AGBL1: variants seen among roughly 807,000 people sequenced by gnomAD.
AGBL1 encodes AGBL carboxypeptidase 1.
In AGBL1, 130 loss-of-function variants were observed where a neutral mutation model predicts 118.9. The observed-to-expected ratio is 1.09, with a 90% CI of 0.95 to 1.26. The LOEUF (loss-of-function observed/expected upper bound fraction) is 1.26, where lower values mean the gene tolerates loss of function less well. AGBL1 is among the 50% of genes most tolerant of loss of function. AGBL1 has a pLI of 0.00. For missense variants in AGBL1, 1,584 were observed against 1,298.1 expected (o/e 1.22, Z -3.38); for synonymous variants, 555 against 478.9 (o/e 1.16, Z -2.08).
intron 17 of AGBL1, among the ~76,000 whole-genome samples, chr15:86,358,219 GTTAC>G (rs2080752052): frequency 6.6e-6 from 1 of 151,820 alleles, no homozygotes; most frequent in African/African-American, 2.4e-5. Context: ...AAACCACCAT[GTTAC>G]TTTTGGTTTT....
intron 22 of AGBL1, among the ~76,000 whole-genome samples, chr15:86,881,360 C>G (rs1342632372): frequency 6.6e-6 from 1 of 152,152 alleles, no homozygotes; most frequent in Non-Finnish European, 1.5e-5. Flanking sequence ...GTGATTCTCA[C>G]GTTCTCGCCT....
chr15:87,009,677 C>T (rs990861832), intron 24 of AGBL1, among the ~76,000 whole-genome samples: 2 of 152,202 alleles, frequency 1.3e-5, no homozygotes, highest in South Asian at 2.1e-4. Context: ...GAGGGAGGCT[C>T]TACCCTGTGA....
intron 5 of AGBL1, among the ~76,000 whole-genome samples, chr15:86,206,310 A>G (rs772527353): frequency 6.6e-6 from 1 of 152,158 alleles, no homozygotes; most frequent in Non-Finnish European, 1.5e-5. Flanking sequence ...ATGATTTATA[A>G]TTCTTTGGGT....
chr15:86,401,437 T>C (rs535742720), intron 18 of AGBL1, among the ~76,000 whole-genome samples: 1 of 152,342 alleles, frequency 6.6e-6, no homozygotes, highest in East Asian at 1.9e-4. Context: ...TCTTTTGCTG[T>C]GCAGGAGCTT....
intron 22 of AGBL1, among the ~76,000 whole-genome samples, chr15:86,753,397 C>CTTTTTTTTTTTTTTT (rs1555446759): frequency 1.8e-5 from 2 of 111,296 alleles, no homozygotes; most frequent in African/African-American, 3.3e-5. Flanking sequence ...TTTTCTTTTT[C>CTTTTTTTTTTTTTTT]TTTTTTTTTT....
chr15:86,267,837 G>C (rs2079098111), intron 13 of AGBL1, among the ~76,000 whole-genome samples: 1 of 152,124 alleles, frequency 6.6e-6, no homozygotes, highest in Non-Finnish European at 1.5e-5. Flanking sequence ...GTGAACTTCT[G>C]AAAAAACAGT....
chr15:86,847,279 T>G (rs912383005), intron 22 of AGBL1, among the ~76,000 whole-genome samples: 1 of 152,234 alleles, frequency 6.6e-6, no homozygotes, highest in Non-Finnish European at 1.5e-5. Context: ...TAATCACTGC[T>G]TGTTCTTTCA....
chr15:87,027,392 C>G (rs2081740653), intron 24 of AGBL1, among the ~76,000 whole-genome samples: 1 of 151,764 alleles, frequency 6.6e-6, no homozygotes, highest in Non-Finnish European at 1.5e-5. Context: ...AGACAGGAGG[C>G]AGAAATACCA....
At chr15:86,674,817 A>G (rs1027875203) in intron 22 of AGBL1, among the ~76,000 whole-genome samples, 1 of 152,166 alleles carries the variant, frequency 6.6e-6, no homozygotes. Flanking sequence ...CATTGACAAT[A>G]TCTAGGCACC....
chr15:86,419,512 T>G (rs1311689198), intron 18 of AGBL1, among the ~76,000 whole-genome samples: 2 of 151,826 alleles, frequency 1.3e-5, no homozygotes, highest in Non-Finnish European at 2.9e-5. Flanking sequence ...GCCCTGGGTT[T>G]CAAGCACAAA....
intron 18 of AGBL1, among the ~76,000 whole-genome samples, chr15:86,398,754 G>T (rs142962952): frequency 6.6e-6 from 1 of 152,020 alleles, no homozygotes; most frequent in Non-Finnish European, 1.5e-5. Flanking sequence ...GATAAGCACC[G>T]AAGATAGATA....
chr15:86,826,230 T>C (rs76617259), intron 22 of AGBL1, among the ~76,000 whole-genome samples: 8 of 152,004 alleles, frequency 5.3e-5, no homozygotes, highest in African/African-American at 1.9e-4. Flanking sequence ...CCTTTGCCTA[T>C]GTAGGAAATG....
rs188686289 is a variant in AGBL1 at position 86,648,450 on chromosome 15, G to A, written c.2995-25823G>A. Among the ~76,000 whole-genome samples the A allele has an allele frequency of 8.5e-5, 13 of 152,330 alleles. 1 individual carries two copies. Among genetic ancestry groups the A allele is most frequent in the African/African-American group, 3.1e-4 (13 of 41,582 alleles). ...AGGTTTTTGGCCTGAGCCACTGGAAGAATGGAGTTCCCCATCAACAGAGAT... is the reference window on the plus strand; with the variant it reads ...AGGTTTTTGGCCTGAGCCACTGGAAAAATGGAGTTCCCCATCAACAGAGAT... On this transcript the variant is annotated intron_variant, in intron 21 of 22. Transcript: ENST00000614907.
At chr15:86,524,015 C>A (rs940208221) in intron 19 of AGBL1, among the ~76,000 whole-genome samples, 1 of 152,212 alleles carries the variant, frequency 6.6e-6, no homozygotes, top group Non-Finnish European at 1.5e-5. Flanking sequence ...AATTAATCAT[C>A]TCTACCTTTA....
At chr15:86,224,201 C>A (rs1884506066) in intron 5 of AGBL1, among the ~76,000 whole-genome samples, 1 of 152,148 alleles carries the variant, frequency 6.6e-6, no homozygotes, top group Non-Finnish European at 1.5e-5. Flanking sequence ...CCCTCAATGC[C>A]AGTGAAGTTT....
intron 21 of AGBL1, among the ~76,000 whole-genome samples, chr15:86,574,873 T>A (rs1032496297): frequency 6.6e-6 from 1 of 151,356 alleles, no homozygotes; most frequent in Non-Finnish European, 1.5e-5. Context: ...CCACTGCACC[T>A]GGCCCTAATG....
chr15:86,970,466 A>G (rs2081095686), intron 23 of AGBL1, among the ~76,000 whole-genome samples: 1 of 151,940 alleles, frequency 6.6e-6, no homozygotes, highest in Admixed American at 6.6e-5. Context: ...CTATATTAAT[A>G]AGTCAGTTTT....
intron 18 of AGBL1, among the ~76,000 whole-genome samples, chr15:86,477,736 G>T (rs938077801): frequency 1.3e-5 from 2 of 152,106 alleles, no homozygotes; most frequent in East Asian, 1.9e-4. Context: ...ATTTTATGAG[G>T]CCAGCATCGT....
At chr15:86,161,914 C>T (rs1360587229) in intron 5 of AGBL1, among the ~76,000 whole-genome samples, 1 of 152,126 alleles carries the variant, frequency 6.6e-6, no homozygotes, top group Non-Finnish European at 1.5e-5. Context: ...GTCTTACCTC[C>T]TAGGTTTATT....
Sources: allele counts gnomAD v4.1 joint callset (sites outside exome capture counted in the v4.1 genomes callset), GRCh38; gene constraint gnomAD v4.1.1; transcripts MANE v1.5; gene names NCBI Gene and HGNC (gene_info 2026-07-23, HGNC 2026-07-21).